ZNF736: variants seen among roughly 807,000 people sequenced by gnomAD.
ZNF736 encodes the protein KRAB-containing zinc-finger repressor protein.
ZNF736 carries 6 observed loss-of-function variants against 11.7 expected under a neutral mutation model. The observed-to-expected ratio is 0.51, with a 90% CI of 0.28 to 1.01. ZNF736 has a LOEUF of 1.01. Ranked by LOEUF, ZNF736 falls within the 50% of genes least tolerant of loss-of-function variation. ZNF736 has a pLI of 0.09. For missense variants in ZNF736, 444 were observed against 496.0 expected, an observed-to-expected ratio of 0.90 and a Z score of 1.00; for synonymous variants, 139 against 164.7, an observed-to-expected ratio of 0.84 and a Z score of 1.19.
intron 1 of ZNF736, among the ~76,000 whole-genome samples, chr7:64,324,825 T>C (rs1789061131): frequency 6.6e-6 from 1 of 152,210 alleles, no homozygotes; most frequent in Non-Finnish European, 1.5e-5. Context: ...CCCCTGCCCA[T>C]AGGTCCTATG....
intron 1 of ZNF736, among the ~76,000 whole-genome samples, chr7:64,319,333 GTATATATATA>G (rs71060585): frequency 0.016 from 1,139 of 71,608 alleles, 38 homozygotes; most frequent in East Asian, 0.098. Context: ...GTGTGTATGT[GTATATATATA>G]TATATATATA....
At chr7:64,316,347 G>A (rs1184127441) in intron 1 of ZNF736, among the ~76,000 whole-genome samples, 1 of 152,156 alleles carries the variant, frequency 6.6e-6, no homozygotes. Context: ...AGACACATTG[G>A]TGGTCAACCA....
intron 3 of ZNF736, among the ~76,000 whole-genome samples, chr7:64,339,812 T>C (rs550134458): frequency 5.9e-5 from 9 of 152,278 alleles, no homozygotes; most frequent in African/African-American, 2.2e-4. Flanking sequence ...AATTTTCTAT[T>C]ACTTCGAAAA....
rs1394323324 is a variant in ZNF736, at chr7:64,345,743, A to AAAAAG, written c.227-2343_227-2342insGAAAA. ...GCAATACTCCATCTTAAAAAAAAAA[A>AAAAAG]AAAAAAAAAGGTGTGTTGTTTAATT... On this transcript the variant is annotated intron_variant, in intron 3 of 3. Coordinates refer to ENST00000423484, the MANE Select transcript of ZNF736 (RefSeq NM_001170905.3). Among the ~76,000 whole-genome samples the AAAAAG allele has an allele frequency of 3.8e-4, 57 of 151,296 alleles. 3 individuals carry two copies. The highest frequency in any genetic ancestry group is 2.5e-4 in the Non-Finnish European group (17 of 67,786).
intron 3 of ZNF736, among the ~76,000 whole-genome samples, chr7:64,341,939 A>C (rs555419844): frequency 2.0e-5 from 3 of 152,240 alleles, no homozygotes; most frequent in South Asian, 2.1e-4. Flanking sequence ...AGAGTTTAAA[A>C]TGTGGATTGG....
At chr7:64,338,495 C>T (rs1435851719) in intron 3 of ZNF736, among the ~76,000 whole-genome samples, 2 of 152,150 alleles carry the variant, frequency 1.3e-5, no homozygotes, top group African/African-American at 2.4e-5. Flanking sequence ...GAACAACATA[C>T]TCCACTTTCT....
intron 3 of ZNF736, among the ~76,000 whole-genome samples, chr7:64,344,458 A>G (rs1206226212): frequency 6.6e-6 from 1 of 152,126 alleles, no homozygotes; most frequent in South Asian, 2.1e-4. Context: ...CATTTTTCCC[A>G]TTGTCTGGCC....
chr7:64,327,089 A>G (rs554246281), intron 1 of ZNF736, among the ~76,000 whole-genome samples: 52 of 152,120 alleles, frequency 3.4e-4, no homozygotes, highest in Non-Finnish European at 6.5e-4. Flanking sequence ...ATTAAGTTCA[A>G]TGTTTATTTG....
Position 64,314,575 on chromosome 7 carries a change from T to A in ZNF736, c.3+422T>A, listed in dbSNP as rs148458705. Among the ~76,000 whole-genome samples the A allele has an allele frequency of 6.7e-3, 1,023 of 152,262 alleles. 3 individuals carry two copies. Among genetic ancestry groups the A allele is most frequent in the Admixed American group, 0.014 (215 of 15,294 alleles). ...TAAAAATAAAATCATGGCCCTTTTTTAAATTTATTTATTTTTGAGACAGTG... is the reference window on the plus strand; with the variant it reads ...TAAAAATAAAATCATGGCCCTTTTTAAAATTTATTTATTTTTGAGACAGTG... On this transcript the variant is annotated intron_variant, in intron 1 of 3. Transcript: ENST00000423484.
intron 1 of ZNF736, among the ~76,000 whole-genome samples, chr7:64,321,948 G>C (rs967843009): frequency 6.6e-6 from 1 of 152,200 alleles, no homozygotes; most frequent in African/African-American, 2.4e-5. Context: ...GTAAGAAGCA[G>C]AATAAGTAGT....
chr7:64,341,658 C>T (rs1789340141), intron 3 of ZNF736, among the ~76,000 whole-genome samples: 1 of 152,146 alleles, frequency 6.6e-6, no homozygotes, highest in Non-Finnish European at 1.5e-5. Context: ...GGGAGACAGA[C>T]TCTATTAATC....
rs1243382853 is a variant in ZNF736, at chr7:64,349,331, T to C, written c.*184T>C. 2 of 438,848 alleles carry C rather than the reference T, an allele frequency of 4.6e-6. No homozygotes were observed. The highest frequency in any genetic ancestry group is 3.9e-5 in the Admixed American group (1 of 25,490). The allele number at this position is 438,848 out of a possible 1,614,324, so 27.2% of individuals were successfully genotyped here. A position where few individuals can be genotyped will look rare whatever the true frequency, so the allele number is the denominator to read the frequency against. On this transcript the variant is annotated 3_prime_UTR_variant, in exon 4 of 4. Transcript: ENST00000423484. ...GTACATATATAGCCCTTTGCTATTATGTAATGCCCTTTTTTTTTAAATCTA... is the reference window on the plus strand; with the variant it reads ...GTACATATATAGCCCTTTGCTATTACGTAATGCCCTTTTTTTTTAAATCTA...
Position 64,348,355 on chromosome 7 carries a change from A to G in ZNF736, c.492A>G (p.Lys164=), listed in dbSNP as rs1584277733. 1.3e-6 allele frequency: 2 copies of G among 1,551,468 alleles called. No individual in the cohort carries two copies. The highest frequency in any genetic ancestry group is 2.4e-5 in the South Asian group (2 of 84,054). The stretch of plus-strand genomic sequence containing the variant: ...TGTGCTCAATCTTCACTGAACATAA[A>G]GACATTTTTAGCAGAGAGAAATGCC... ...FQLCSIFTEH[K]DIFSREKCHK... Residue 164 remains lysine (K), a synonymous_variant, in exon 4 of 4, where the codon AAA becomes AAG. Transcript: ENST00000423484.
intron 1 of ZNF736, 151 bp from the exon 2 acceptor site, chr7:64,336,108 A>G: frequency 2.3e-6 from 2 of 870,416 alleles, no homozygotes; most frequent in East Asian, 2.7e-5. Context: ...TTAAAAATAC[A>G]CTAGAGAATA....
intron 1 of ZNF736, among the ~76,000 whole-genome samples, chr7:64,328,359 A>G (rs1789110770): frequency 6.6e-6 from 1 of 151,818 alleles, no homozygotes; most frequent in African/African-American, 2.4e-5. Context: ...ATTTCCACTG[A>G]TGAGTCCACT....
At chr7:64,340,867 C>T (rs1052627886) in intron 3 of ZNF736, among the ~76,000 whole-genome samples, 1 of 152,030 alleles carries the variant, frequency 6.6e-6, no homozygotes, top group African/African-American at 2.4e-5. Flanking sequence ...TTTTTTTCAT[C>T]ACTTCGAAAT....
chr7:64,319,287 A>G (rs1351135612), intron 1 of ZNF736, among the ~76,000 whole-genome samples: 2 of 132,018 alleles, frequency 1.5e-5, no homozygotes, highest in East Asian at 2.4e-4. Flanking sequence ...AAATATGTGT[A>G]TGTATGTATG....
At chr7:64,338,172 A>G (rs137856309) in intron 3 of ZNF736, among the ~76,000 whole-genome samples, 9 of 152,330 alleles carry the variant, frequency 5.9e-5, no homozygotes, top group African/African-American at 2.2e-4. Flanking sequence ...ATATAAACAC[A>G]TTTATATACG....
At chr7:64,346,072 A>G (rs118122010) in intron 3 of ZNF736, among the ~76,000 whole-genome samples, 2,280 of 152,082 alleles carry the variant, frequency 0.015, 34 homozygotes, top group Non-Finnish European at 0.024. Flanking sequence ...GTTTCCTTCC[A>G]TTATTATATT....
Sources: allele counts gnomAD v4.1 joint callset (sites outside exome capture counted in the v4.1 genomes callset), GRCh38; gene constraint gnomAD v4.1.1; transcripts MANE v1.5; gene names NCBI Gene and HGNC (gene_info 2026-07-23, HGNC 2026-07-21).